Variants in PRPF6 observed in about 807,000 individuals in gnomAD.
PRPF6 encodes the protein pre-mRNA-processing factor 6.
Under a neutral mutation model 118.3 loss-of-function variants are expected in PRPF6, and 42 were observed. That is an observed-to-expected ratio of 0.35 (90% CI 0.28 to 0.46). The LOEUF is 0.46. PRPF6 is among the 20% of genes least tolerant of loss of function. The pLI is 1.00. For missense variants in PRPF6, 662 were observed against 1,255.7 expected, an observed-to-expected ratio of 0.53 and a Z score of 7.15; for synonymous variants, 481 against 485.1, an observed-to-expected ratio of 0.99 and a Z score of 0.11.
intron 3 of PRPF6, among the ~76,000 whole-genome samples, chr20:63,990,185 G>A (rs969414231): frequency 1.4e-4 from 21 of 152,128 alleles, no homozygotes; most frequent in African/African-American, 4.6e-4. Flanking sequence ...CAGATCTTAC[G>A]TGATGTAAAC....
intron 10 of PRPF6, 110 bp downstream of exon 10, chr20:64,010,428 G>A (rs2059211494): frequency 2.1e-6 from 2 of 940,408 alleles, no homozygotes; most frequent in Non-Finnish European, 1.7e-6. Flanking sequence ...CACTCAGGCT[G>A]CAATTTCTGG....
Position 63,996,317 on chromosome 20 carries a change from C to T in PRPF6, c.771+835C>T, listed in dbSNP as rs138984719. Among the ~76,000 whole-genome samples, 14 of 152,192 alleles carry T rather than the reference C, an allele frequency of 9.2e-5. No individual in the cohort carries two copies. The East Asian group carries it at 2.7e-3, about 29-fold the overall frequency. ...TTGCACCAGTGCACTCCGGCCTGGG[C>T]AACAGAGTGAGACTGTCTCAAAATA... On this transcript the variant is annotated intron_variant, in intron 6 of 20. Transcript: ENST00000266079.
chr20:63,983,341 A>C, intron 2 of PRPF6, 126 bp downstream of exon 2: 1 of 1,209,552 alleles, frequency 8.3e-7, no homozygotes, highest in Non-Finnish European at 1.2e-6. Context: ...TTAGCTATTC[A>C]TGGAACATCT....
At chr20:63,990,060 G>A (rs111856819) in intron 3 of PRPF6, among the ~76,000 whole-genome samples, 4 of 151,826 alleles carry the variant, frequency 2.6e-5, no homozygotes, top group Middle Eastern at 3.4e-3. Flanking sequence ...TACCATGTTG[G>A]CCAGGCCGGT....
At chr20:64,001,498 T>C (rs2059166400) in intron 9 of PRPF6, among the ~76,000 whole-genome samples, 1 of 152,206 alleles carries the variant, frequency 6.6e-6, no homozygotes, top group East Asian at 1.9e-4. Flanking sequence ...TCTTGGATGC[T>C]TGGGCGGTCA....
intron 9 of PRPF6, among the ~76,000 whole-genome samples, chr20:64,002,921 G>A (rs1249678703): frequency 3.3e-5 from 5 of 151,500 alleles, no homozygotes; most frequent in African/African-American, 1.2e-4. Flanking sequence ...TGGGATTACA[G>A]GCGTGAGCCA....
chr20:64,008,875 A>C (rs1391342460), intron 9 of PRPF6, among the ~76,000 whole-genome samples: 3 of 152,182 alleles, frequency 2.0e-5, no homozygotes, highest in Non-Finnish European at 4.4e-5. Flanking sequence ...AATATTCTTA[A>C]TATGCTTATT....
At chr20:64,007,461 C>T (rs2059195942) in intron 9 of PRPF6, among the ~76,000 whole-genome samples, 1 of 123,472 alleles carries the variant, frequency 8.1e-6, no homozygotes, top group Non-Finnish European at 1.6e-5. Context: ...CTGCCCTTTT[C>T]CTCTTTTTTT....
intron 11 of PRPF6, among the ~76,000 whole-genome samples, chr20:64,014,673 A>G (rs899370375): frequency 2.6e-5 from 4 of 152,194 alleles, no homozygotes; most frequent in Admixed American, 2.6e-4. Context: ...AATAAATAAA[A>G]TAAAATAAAA....
intron 20 of PRPF6, 117 bp from the exon 21 acceptor site, chr20:64,032,724 C>T (rs988945740): frequency 1.3e-5 from 18 of 1,357,470 alleles, no homozygotes; most frequent in Admixed American, 5.9e-5. Context: ...CCCTCTGGCC[C>T]GCCAGTTGGG....
rs1375293601 is a variant in PRPF6 at position 64,027,511 on chromosome 20, C to T, written c.2206-92C>T. 6.4e-6 allele frequency: 10 copies of T among 1,567,152 alleles called. No homozygotes were observed. Among genetic ancestry groups the T allele is most frequent in the East Asian group, 2.2e-5 (1 of 44,622 alleles). On this transcript the variant is annotated intron_variant, in intron 16 of 20. Coordinates refer to ENST00000266079, the MANE Select transcript of PRPF6 (RefSeq NM_012469.4). This position sits in a 1 kb window ranked among gnomAD's most constrained non-coding sequence, Gnocchi z 6.5. ...ATGGACATGGCAGCCCTGAGGGACT[C>T]GGTCACCCACTGCAGATGAGAAGCT...
In PRPF6 at chr20:64,028,443, A is replaced by G; in HGVS notation, c.2340-35A>G. ...CTACCAGAATATGTGCTGTTGGTAGACGGCTGTGGGACCTCCGGGGGCCTG... is the reference window on the plus strand; with the variant it reads ...CTACCAGAATATGTGCTGTTGGTAGGCGGCTGTGGGACCTCCGGGGGCCTG... On this transcript the variant is annotated intron_variant, in intron 17 of 20. Coordinates refer to ENST00000266079, the MANE Select transcript of PRPF6 (RefSeq NM_012469.4). This position sits in a 1 kb window ranked among gnomAD's most constrained non-coding sequence, Gnocchi z 6.5. The G allele has an allele frequency of 6.2e-7, 1 of 1,608,866 alleles. No homozygotes were observed. The highest frequency in any genetic ancestry group is 8.5e-7 in the Non-Finnish European group (1 of 1,175,694).
chr20:63,994,929 A>G lies in PRPF6; in HGVS notation c.452A>G (p.Glu151Gly). 6.2e-7 allele frequency: 1 copy of G among 1,614,212 alleles called. No individual in the cohort carries two copies. Among genetic ancestry groups the G allele is most frequent in the Non-Finnish European group, 8.5e-7 (1 of 1,180,042 alleles). The change falls in exon 5 of 21, where the codon GAA (glutamate) becomes GGA (glycine). Residue 151 changes from glutamate (E) to glycine (G), a missense_variant. Transcript: ENST00000266079. ...GGATATTTCCAGAGGAAGTTGGCAG[A>G]AGTCACAGAAGAAGAGTGGCTGAGC... ...QFSDLKRKLA[E>G]VTEEEWLSIP...
At chr20:64,001,020 C>T in intron 8 of PRPF6, 57 bp from the exon 9 acceptor site, 2 of 1,577,562 alleles carry the variant, frequency 1.3e-6, no homozygotes, top group Admixed American at 1.7e-5. Context: ...TGCCTGCTGC[C>T]CTGTTGCGGC....
chr20:64,001,006 T>C, intron 8 of PRPF6, 71 bp from the exon 9 acceptor site: 1 of 1,536,904 alleles, frequency 6.5e-7, no homozygotes, highest in Non-Finnish European at 9.0e-7. Flanking sequence ...GCTCTGGAGA[T>C]CTGTGCCTGC....
At chr20:64,032,141 G>GT in intron 20 of PRPF6, 97 bp downstream of exon 20, 2 of 1,581,240 alleles carry the variant, frequency 1.3e-6, no homozygotes, top group Non-Finnish European at 1.7e-6. Flanking sequence ...CACGGCCAGC[G>GT]TGACTCTGCC....
intron 6 of PRPF6, among the ~76,000 whole-genome samples, chr20:63,995,905 C>G (rs886495612): frequency 6.6e-6 from 1 of 152,020 alleles, no homozygotes; most frequent in African/African-American, 2.4e-5. Context: ...GATCTGTCTG[C>G]CTTGGCCTCC....
chr20:63,993,376 G>A (rs780612116), intron 3 of PRPF6, 31 bp from the exon 4 acceptor site: 30 of 1,541,902 alleles, frequency 1.9e-5, no homozygotes, highest in Non-Finnish European at 2.6e-5. Flanking sequence ...GACATGCAGT[G>A]TTTCTGATGT....
At position 64,010,131 on chromosome 20, in the gene PRPF6, G is replaced by A. The variant is rs189191112; in HGVS notation, c.1187-69G>A. On this transcript the variant is annotated intron_variant, in intron 9 of 20. Coordinates refer to ENST00000266079, the MANE Select transcript of PRPF6 (RefSeq NM_012469.4). ...TCCGTCTCATCCTGACCAGCAGCAT[G>A]CTCACCACATGAGCCTCCTGTTTTT... The A allele has an allele frequency of 2.3e-5, 31 of 1,328,514 alleles. No homozygotes were observed. The African/African-American group carries it at 3.2e-4, about 14-fold the overall frequency. 82.3% of individuals were successfully genotyped at this position (1,328,514 alleles called of 1,614,324 possible). A position where few individuals can be genotyped will look rare whatever the true frequency, so the allele number is the denominator to read the frequency against.
Sources: gnomAD v4.1 joint callset for allele counts (sites outside exome capture counted in the v4.1 genomes callset) on GRCh38, gnomAD v4.1.1 for gene constraint, Gnocchi (gnomAD v3.1) non-coding constraint, MANE v1.5 for transcripts, NCBI Gene and HGNC (gene_info 2026-07-23, HGNC 2026-07-21) for gene names.